CDK8: variants seen among roughly 807,000 people sequenced by gnomAD.
CDK8 encodes cyclin dependent kinase 8.
CDK8 carries 29 observed loss-of-function variants against 71.5 expected under a neutral mutation model. The observed-to-expected ratio is 0.41, with a 90% CI of 0.30 to 0.55. CDK8 has a LOEUF of 0.55. Ranked by LOEUF, CDK8 falls within the 20% of genes least tolerant of loss-of-function variation. CDK8 has a pLI of 0.37. For missense variants in CDK8, 288 were observed against 572.6 expected (o/e 0.50, Z 5.07); for synonymous variants, 161 against 192.1 (o/e 0.84, Z 1.34).
chr13:26,300,795 G>A (rs1377288428), intron 1 of CDK8, among the ~76,000 whole-genome samples: 3 of 152,160 alleles, frequency 2.0e-5, no homozygotes, highest in Admixed American at 2.0e-4. Context: ...AAGCAAACAG[G>A]TATTGATTAT....
chr13:26,376,087 G>A (rs886268590), intron 4 of CDK8, among the ~76,000 whole-genome samples: 5 of 152,118 alleles, frequency 3.3e-5, no homozygotes, highest in African/African-American at 1.2e-4. Context: ...GTAATACTTG[G>A]GAAGATAGTA....
intron 1 of CDK8, among the ~76,000 whole-genome samples, chr13:26,319,081 A>G (rs1292610474): frequency 6.6e-6 from 1 of 152,242 alleles, no homozygotes; most frequent in East Asian, 1.9e-4. Context: ...AGCAGGATAA[A>G]AGTGAGTATA....
intron 4 of CDK8, among the ~76,000 whole-genome samples, chr13:26,371,518 A>C (rs1269743453): frequency 6.6e-6 from 1 of 152,228 alleles, no homozygotes; most frequent in African/African-American, 2.4e-5. Context: ...AAAAACTGAA[A>C]CATATTGTAG....
chr13:26,296,727 G>T (rs184172173), intron 1 of CDK8, among the ~76,000 whole-genome samples: 20 of 152,164 alleles, frequency 1.3e-4, no homozygotes, highest in Non-Finnish European at 1.5e-4. Flanking sequence ...ATGATCCAGT[G>T]CCAGGTAATC....
chr13:26,382,953 A>C, intron 5 of CDK8, 82 bp downstream of exon 5: 1 of 772,790 alleles, frequency 1.3e-6, no homozygotes, highest in Middle Eastern at 2.7e-4. Flanking sequence ...AATTTTTGCT[A>C]TAATATGCAT....
chr13:26,385,672 G>C (rs896349491), intron 6 of CDK8, among the ~76,000 whole-genome samples: 4 of 152,154 alleles, frequency 2.6e-5, no homozygotes, highest in Admixed American at 2.0e-4. Flanking sequence ...GGTAGGCAAA[G>C]GTTGCAATGA....
At chr13:26,323,936 AC>A (rs1384988756) in intron 1 of CDK8, among the ~76,000 whole-genome samples, 1 of 152,180 alleles carries the variant, frequency 6.6e-6, no homozygotes, top group Non-Finnish European at 1.5e-5. Context: ...CATAGGAAAT[AC>A]ACATGCTGTA....
intron 4 of CDK8, among the ~76,000 whole-genome samples, chr13:26,363,647 G>A (rs1874252104): frequency 6.6e-6 from 1 of 152,132 alleles, no homozygotes; most frequent in South Asian, 2.1e-4. Context: ...TGGGATTACA[G>A]GCACAAACAA....
intron 1 of CDK8, among the ~76,000 whole-genome samples, chr13:26,332,045 C>G (rs1872781856): frequency 6.6e-6 from 1 of 152,036 alleles, no homozygotes; most frequent in Admixed American, 6.6e-5. Flanking sequence ...TAGATTTACT[C>G]CTGGGTATTT....
intron 4 of CDK8, among the ~76,000 whole-genome samples, chr13:26,378,061 A>G (rs1385000681): frequency 6.6e-6 from 1 of 152,200 alleles, no homozygotes; most frequent in Admixed American, 6.5e-5. Flanking sequence ...AAAATCTCCA[A>G]TTTGCCTTGA....
intron 1 of CDK8, among the ~76,000 whole-genome samples, chr13:26,277,811 C>A (rs17083622): frequency 0.022 from 3,312 of 152,190 alleles, 134 homozygotes; most frequent in African/African-American, 0.075. Flanking sequence ...ATGATAGATT[C>A]GTATTTAGTT....
chr13:26,402,833 G>A (rs1428088073), intron 12 of CDK8, among the ~76,000 whole-genome samples: 3 of 152,214 alleles, frequency 2.0e-5, no homozygotes, highest in African/African-American at 7.2e-5. Context: ...ATGCCATGCT[G>A]CTTTGTTGGT....
intron 1 of CDK8, among the ~76,000 whole-genome samples, chr13:26,300,004 C>T (rs1046541771): frequency 6.6e-6 from 1 of 152,030 alleles, no homozygotes; most frequent in Non-Finnish European, 1.5e-5. Flanking sequence ...TGGTTAAATT[C>T]TTTAATAATT....
chr13:26,347,109 TA>T (rs1267986510), intron 2 of CDK8, among the ~76,000 whole-genome samples: 4 of 152,110 alleles, frequency 2.6e-5, no homozygotes, highest in Non-Finnish European at 4.4e-5. Flanking sequence ...TTGGCAGGGT[TA>T]GGGGTGCTTT....
chr13:26,333,072 A>T (rs992847017), intron 1 of CDK8, among the ~76,000 whole-genome samples: 5 of 152,106 alleles, frequency 3.3e-5, no homozygotes, highest in African/African-American at 1.2e-4. Context: ...GAGAAAAGGT[A>T]TTCTGGTGAT....
chr13:26,321,899 C>G (rs1380291385), intron 1 of CDK8, among the ~76,000 whole-genome samples: 1 of 152,026 alleles, frequency 6.6e-6, no homozygotes, highest in East Asian at 1.9e-4. Context: ...TATGAATACC[C>G]TATTATACAT....
At chr13:26,332,988 C>T (rs1039991218) in intron 1 of CDK8, among the ~76,000 whole-genome samples, 56 of 152,194 alleles carry the variant, frequency 3.7e-4, no homozygotes, top group African/African-American at 1.3e-3. Context: ...TGGAAAATTC[C>T]ACATCTGATT....
chr13:26,299,817 G>A (rs1232277225), intron 1 of CDK8, among the ~76,000 whole-genome samples: 3 of 152,150 alleles, frequency 2.0e-5, no homozygotes, highest in Non-Finnish European at 4.4e-5. Context: ...GCTTTTTAAG[G>A]AATAGAGGAG....
At chr13:26,369,259 G>A (rs992067309) in intron 4 of CDK8, among the ~76,000 whole-genome samples, 1 of 150,720 alleles carries the variant, frequency 6.6e-6, no homozygotes, top group Non-Finnish European at 1.5e-5. Context: ...AGCCTGGACA[G>A]CATGGTGAAA....
Sources: gnomAD v4.1 joint callset for allele counts (sites outside exome capture counted in the v4.1 genomes callset) on GRCh38, gnomAD v4.1.1 for gene constraint, MANE v1.5 for transcripts, NCBI Gene and HGNC (gene_info 2026-07-23, HGNC 2026-07-21) for gene names.